Variants in LRRTM4 observed in about 807,000 individuals in gnomAD.
LRRTM4 encodes the protein leucine-rich repeat transmembrane neuronal protein 4.
A neutral mutation model predicts 47.6 loss-of-function variants in LRRTM4; 25 were observed. The observed-to-expected ratio is 0.53, with a 90% CI of 0.38 to 0.73. LRRTM4 has a LOEUF of 0.73. Among genes scored for constraint, LRRTM4 ranks in the 30% least tolerant of loss-of-function variants. The pLI is 0.00. For synonymous variants in LRRTM4, 311 were observed against 269.5 expected, an observed-to-expected ratio of 1.15 and a Z score of -1.51; for missense variants, 638 against 713.4, an observed-to-expected ratio of 0.89 and a Z score of 1.20.
intron 3 of LRRTM4, among the ~76,000 whole-genome samples, chr2:76,956,860 G>C (rs1675691683): frequency 1.3e-5 from 2 of 151,310 alleles, no homozygotes; most frequent in African/African-American, 4.8e-5. Context: ...TAAATTTCTA[G>C]AAACCTACAA....
chr2:77,013,459 A>G (rs967928090), intron 3 of LRRTM4, among the ~76,000 whole-genome samples: 2 of 152,014 alleles, frequency 1.3e-5, no homozygotes, highest in Non-Finnish European at 2.9e-5. Context: ...GAAAACTGGT[A>G]GTCAAATGGA....
intron 3 of LRRTM4, among the ~76,000 whole-genome samples, chr2:77,000,733 T>C (rs2197603): frequency 2.0e-5 from 3 of 151,892 alleles, no homozygotes; most frequent in African/African-American, 7.3e-5. Flanking sequence ...AAATTATTTT[T>C]GTCATTCCTA....
intron 3 of LRRTM4, among the ~76,000 whole-genome samples, chr2:77,293,572 T>C (rs1174761299): frequency 6.6e-6 from 1 of 152,152 alleles, no homozygotes; most frequent in Non-Finnish European, 1.5e-5. Flanking sequence ...CATATGCATT[T>C]TTGACAGACA....
intron 3 of LRRTM4, among the ~76,000 whole-genome samples, chr2:77,076,438 G>T (rs17334647): frequency 6.6e-6 from 1 of 152,050 alleles, no homozygotes; most frequent in Admixed American, 6.5e-5. Flanking sequence ...CTCCCCTAAT[G>T]CTTGAAATAT....
At chr2:77,280,765 G>A (rs1016685610) in intron 3 of LRRTM4, among the ~76,000 whole-genome samples, 1 of 152,026 alleles carries the variant, frequency 6.6e-6, no homozygotes, top group Non-Finnish European at 1.5e-5. Context: ...GCATATGGCA[G>A]TGGCTTGCAT....
At chr2:77,231,563 C>T (rs1397070759) in intron 3 of LRRTM4, among the ~76,000 whole-genome samples, 1 of 151,534 alleles carries the variant, frequency 6.6e-6, no homozygotes, top group Non-Finnish European at 1.5e-5. Flanking sequence ...TCTTATTTAG[C>T]CCATAAAGCT....
intron 3 of LRRTM4, among the ~76,000 whole-genome samples, chr2:77,373,601 C>T (rs181485147): frequency 2.0e-5 from 3 of 151,866 alleles, no homozygotes; most frequent in East Asian, 3.9e-4. Context: ...CTAATGAAAA[C>T]ATCTGATATA....
rs541739056 is a variant in LRRTM4 at position 76,845,453 on chromosome 2, T to C, written c.1552-96537A>G. 2.5e-4 allele frequency among the ~76,000 whole-genome samples: 38 copies of C among 152,080 alleles called. 1 individual carries two copies. Among genetic ancestry groups the C allele is most frequent in the African/African-American group, 8.4e-4 (35 of 41,522 alleles). ...GTTGAAGTGAGGGGAGATCTCATTA[T>C]TGGCTGAAAACAAGGTGCAGTAACG... is the stretch of plus-strand genomic sequence containing the variant. On this transcript the variant is annotated intron_variant, in intron 3 of 3. Transcript: ENST00000409884.
chr2:77,439,727 A>G (rs184495428), intron 3 of LRRTM4, among the ~76,000 whole-genome samples: 1 of 152,282 alleles, frequency 6.6e-6, no homozygotes, highest in African/African-American at 2.4e-5. Context: ...GCAAAAGAAT[A>G]ATTATTATTA....
intron 3 of LRRTM4, among the ~76,000 whole-genome samples, chr2:77,143,259 G>T (rs944006739): frequency 5.3e-5 from 8 of 152,062 alleles, no homozygotes; most frequent in African/African-American, 1.9e-4. Flanking sequence ...TCTTAATTTT[G>T]ATTGTAATTA....
chr2:77,338,913 T>G (rs532668254), intron 3 of LRRTM4, among the ~76,000 whole-genome samples: 1 of 152,122 alleles, frequency 6.6e-6, no homozygotes, highest in Non-Finnish European at 1.5e-5. Context: ...TGGAATGTCA[T>G]GCAGCCATAA....
chr2:77,189,531 C>G (rs985432268), intron 3 of LRRTM4, among the ~76,000 whole-genome samples: 3 of 152,046 alleles, frequency 2.0e-5, no homozygotes, highest in African/African-American at 7.2e-5. Flanking sequence ...ATAAAAGAAA[C>G]TCCAGAGAGG....
chr2:77,420,845 C>A (rs1042151621), intron 3 of LRRTM4, among the ~76,000 whole-genome samples: 6 of 144,222 alleles, frequency 4.2e-5, no homozygotes, highest in African/African-American at 1.3e-4. Context: ...AGTCTTAAGG[C>A]CCTTTCAGTG....
intron 3 of LRRTM4, among the ~76,000 whole-genome samples, chr2:76,856,422 T>C (rs1163312129): frequency 6.6e-6 from 1 of 152,204 alleles, no homozygotes; most frequent in Non-Finnish European, 1.5e-5. Context: ...CTCTCATATA[T>C]GTAAATATCA....
intron 3 of LRRTM4, among the ~76,000 whole-genome samples, chr2:77,111,262 T>G (rs1039697943): frequency 1.3e-5 from 2 of 150,108 alleles, no homozygotes; most frequent in Admixed American, 6.7e-5. Flanking sequence ...GGACTACAGG[T>G]GTGTGTCACC....
Position 77,499,491 on chromosome 2 carries a change from G to C in LRRTM4, c.1551+18827C>G, listed in dbSNP as rs989611634. Among the ~76,000 whole-genome samples, 10 of 151,770 alleles carry C rather than the reference G, an allele frequency of 6.6e-5. 1 individual carries two copies. Among genetic ancestry groups the C allele is most frequent in the Admixed American group, 4.0e-4 (6 of 15,166 alleles). Reference sequence around the variant, plus strand: ...ATGCAAAGATATTAAGGCATGATAGGAATAAAGAATTCAAAATAAGCTTCA... The same window carrying C: ...ATGCAAAGATATTAAGGCATGATAGCAATAAAGAATTCAAAATAAGCTTCA... On this transcript the variant is annotated intron_variant, in intron 3 of 3. Coordinates refer to ENST00000409884, the MANE Select transcript of LRRTM4 (RefSeq NM_001134745.3).
chr2:76,869,385 T>G (rs572402589), intron 3 of LRRTM4, among the ~76,000 whole-genome samples: 1 of 152,236 alleles, frequency 6.6e-6, no homozygotes, highest in East Asian at 1.9e-4. Context: ...TCTTTGTCTT[T>G]CAGATTGTAC....
chr2:77,513,593 G>A (rs1180961048), intron 3 of LRRTM4, among the ~76,000 whole-genome samples: 1 of 21,532 alleles, frequency 4.6e-5, no homozygotes, highest in East Asian at 4.1e-4. Context: ...ATTTTGAGAT[G>A]AGTCTTGTTC....
rs570192998 is a variant in LRRTM4, at chr2:77,510,395, C to G, written c.1551+7923G>C. ...TAGAATTTATACCCAAAGACTGTTTCTGTTTGTCTCAATAAAATCATCACA... is the reference window on the plus strand; with the variant it reads ...TAGAATTTATACCCAAAGACTGTTTGTGTTTGTCTCAATAAAATCATCACA... On this transcript the variant is annotated intron_variant, in intron 3 of 3. Coordinates refer to ENST00000409884, the MANE Select transcript of LRRTM4 (RefSeq NM_001134745.3). Among the ~76,000 whole-genome samples, 15 of 152,186 alleles carry G rather than the reference C, an allele frequency of 9.9e-5. 1 individual carries two copies. The highest frequency in any genetic ancestry group is 1.8e-4 in the Non-Finnish European group (12 of 67,952).
Sources: gnomAD v4.1 joint callset for allele counts (sites outside exome capture counted in the v4.1 genomes callset) on GRCh38, gnomAD v4.1.1 for gene constraint, MANE v1.5 for transcripts, NCBI Gene and HGNC (gene_info 2026-07-23, HGNC 2026-07-21) for gene names.